Variants in PTPRA observed in about 807,000 individuals in gnomAD.
The protein encoded by PTPRA is receptor-type tyrosine-protein phosphatase alpha.
PTPRA carries 25 observed loss-of-function variants against 104.8 expected under a neutral mutation model. That is an observed-to-expected ratio of 0.24 (90% CI 0.17 to 0.33). The LOEUF (loss-of-function observed/expected upper bound fraction) is 0.33. Among genes scored for constraint, PTPRA ranks in the 10% least tolerant of loss-of-function variants. The probability of loss-of-function intolerance (pLI) is 1.00; values close to 1 mark genes in which losing one functional copy is unlikely to be tolerated. For missense variants in PTPRA, 765 were observed against 1,015.3 expected (o/e 0.75, Z 3.35); for synonymous variants, 323 against 368.9 (o/e 0.88, Z 1.43).
At chr20:3,027,637 G>A (rs1568707126) in intron 19 of PTPRA, 70 bp from the exon 20 acceptor site, 1 of 1,556,432 alleles carries the variant, frequency 6.4e-7, no homozygotes, top group Non-Finnish European at 8.7e-7. Context: ...CCCTTCTAGT[G>A]GTCTGTCTTC....
chr20:2,941,196 A>G (rs1221638870), intron 2 of PTPRA, among the ~76,000 whole-genome samples: 2 of 151,890 alleles, frequency 1.3e-5, no homozygotes, highest in Non-Finnish European at 2.9e-5. Context: ...ACGCCAGGCT[A>G]ATTTTTGTAT....
In PTPRA at chr20:3,027,332, C is replaced by T. The variant is rs569398756; in HGVS notation, c.1785+135C>T. On this transcript the variant is annotated intron_variant, in intron 19 of 23. Transcript: ENST00000399903. ...AACAAATAGTGAATTGATACTCACCCACCCACTCACCCTGTGCATTAGGTC... is the reference window on the plus strand; with the variant it reads ...AACAAATAGTGAATTGATACTCACCTACCCACTCACCCTGTGCATTAGGTC... 8.1e-5 allele frequency: 71 copies of T among 881,846 alleles called. No individual in the cohort carries two copies. In the African/African-American group the frequency reaches 1.1e-3, roughly 13 times the overall value. The allele number at this position is 881,846 out of a possible 1,614,324, so 54.6% of individuals were successfully genotyped here.
At position 3,031,921 on chromosome 20, in the gene PTPRA, A is replaced by C. The variant is rs149357773; in HGVS notation, c.1921-3664A>C. On this transcript the variant is annotated intron_variant, in intron 20 of 23. Transcript: ENST00000399903. Reference sequence around the variant, plus strand: ...AAACCCAGTTATATGCCTCTATCTGATATAGCAAACATCACTGGGCAAAAA... The same window carrying C: ...AAACCCAGTTATATGCCTCTATCTGCTATAGCAAACATCACTGGGCAAAAA... Among the ~76,000 whole-genome samples the C allele has an allele frequency of 2.4e-4, 37 of 152,250 alleles. 1 individual carries two copies. The East Asian group carries it at 5.4e-3, about 22-fold the overall frequency.
At position 3,037,985 on chromosome 20, in the gene PTPRA, T is replaced by G; in HGVS notation, c.2335-74T>G. On this transcript the variant is annotated intron_variant, in intron 23 of 23. Transcript: ENST00000399903. The surrounding 1 kb of genome is among the most constrained non-coding windows in gnomAD (Gnocchi z 4.3). ...TGATTTTCCATCTTCAACAAAAAAA[T>G]GAGTCTGTTAGGAATTACAGGTACT... The G allele has an allele frequency of 7.9e-7, 1 of 1,270,284 alleles. No homozygotes were observed. Among genetic ancestry groups the G allele is most frequent in the Non-Finnish European group, 1.1e-6 (1 of 886,186 alleles). The allele number at this position is 1,270,284 out of a possible 1,614,324, so 78.7% of individuals were successfully genotyped here. A position where few individuals can be genotyped will look rare whatever the true frequency, so the allele number is the denominator to read the frequency against.
the PTPRA span, chr20:2,866,077 G>A: frequency 1.3e-6 from 1 of 751,584 alleles, no homozygotes; most frequent in African/African-American, 1.7e-5. Context: ...TGGGGGTTGG[G>A]GGATTATATG....
intron 9 of PTPRA, 74 bp downstream of exon 9, chr20:2,988,548 G>C (rs1338908089): frequency 1.9e-5 from 30 of 1,548,342 alleles, no homozygotes; most frequent in Non-Finnish European, 8.7e-7. Flanking sequence ...CAGATCTTTG[G>C]AGTCATGAAG....
chr20:2,980,557 GA>G (rs373384876), intron 6 of PTPRA, among the ~76,000 whole-genome samples: 4 of 147,520 alleles, frequency 2.7e-5, no homozygotes, highest in East Asian at 2.0e-4. Flanking sequence ...CTCGAGAAAA[GA>G]AAAAAAAACG....
At chr20:2,941,069 C>T (rs2060899143) in intron 2 of PTPRA, among the ~76,000 whole-genome samples, 1 of 151,676 alleles carries the variant, frequency 6.6e-6, no homozygotes, top group Non-Finnish European at 1.5e-5. Context: ...CTCGCTCTGT[C>T]ACCCAGGCTG....
intron 1 of PTPRA, among the ~76,000 whole-genome samples, chr20:2,878,367 A>G (rs1195614019): frequency 6.6e-6 from 1 of 152,060 alleles, no homozygotes; most frequent in Non-Finnish European, 1.5e-5. Context: ...GGTCTGTGCC[A>G]CCACGACCAG....
chr20:2,937,543 G>A (rs1042242700), intron 2 of PTPRA, among the ~76,000 whole-genome samples: 1 of 152,078 alleles, frequency 6.6e-6, no homozygotes, highest in African/African-American at 2.4e-5. Context: ...AAACTCAAGA[G>A]AAGAATTGCT....
intron 2 of PTPRA, among the ~76,000 whole-genome samples, chr20:2,924,359 G>A (rs955416140): frequency 2.6e-5 from 4 of 152,124 alleles, no homozygotes; most frequent in South Asian, 2.1e-4. Flanking sequence ...GTGAGATCAC[G>A]CCCCTGCACT....
At chr20:2,957,144 G>T (rs1280707724) in intron 3 of PTPRA, among the ~76,000 whole-genome samples, 1 of 152,188 alleles carries the variant, frequency 6.6e-6, no homozygotes, top group African/African-American at 2.4e-5. Context: ...AATTATCCAG[G>T]CGTGGTGGCG....
chr20:2,949,880 T>C (rs2061296013), intron 3 of PTPRA, among the ~76,000 whole-genome samples: 1 of 152,180 alleles, frequency 6.6e-6, no homozygotes, highest in Non-Finnish European at 1.5e-5. Context: ...GGGTGAATTA[T>C]ATTTATAGAT....
chr20:3,024,142 C>G lies in PTPRA; in HGVS notation c.1465-330C>G, dbSNP rs114760323. 5.1e-3 allele frequency among the ~76,000 whole-genome samples: 779 copies of G among 152,280 alleles called. 5 individuals are homozygous for G. The highest frequency in any genetic ancestry group is 0.017 in the African/African-American group (720 of 41,562). On this transcript the variant is annotated intron_variant, in intron 16 of 23. Transcript: ENST00000399903. The stretch of plus-strand genomic sequence containing the variant: ...GAGGGAGGCAGGGACCAGACTATCA[C>G]GGGCTTTGGGTGTCTCCAGTTTCTG...
chr20:3,001,093 G>A (rs543274706), intron 9 of PTPRA, among the ~76,000 whole-genome samples: 8 of 152,246 alleles, frequency 5.3e-5, no homozygotes, highest in African/African-American at 1.9e-4. Flanking sequence ...AACGGTCTTC[G>A]ATGCCACCTA....
the PTPRA span, chr20:2,866,423 A>G: frequency 6.2e-7 from 1 of 1,614,078 alleles, no homozygotes; most frequent in Non-Finnish European, 8.5e-7. Context: ...TCTTGCTCAA[A>G]CCACAGCGAT....
intron 2 of PTPRA, among the ~76,000 whole-genome samples, chr20:2,937,961 G>T (rs754114306): frequency 2.0e-5 from 3 of 152,014 alleles, no homozygotes; most frequent in Non-Finnish European, 4.4e-5. Flanking sequence ...GTGATATGTT[G>T]TTTCTCTCTA....
At chr20:2,973,302 T>A (rs1244770396) in intron 5 of PTPRA, among the ~76,000 whole-genome samples, 3 of 152,206 alleles carry the variant, frequency 2.0e-5, no homozygotes, top group South Asian at 4.1e-4. Flanking sequence ...TTTTCTATCT[T>A]CTTGAATTGA....
rs34328077 is a variant in PTPRA, at chr20:2,897,906, CTT to C, written c.-129+24168_-129+24169del. 2.2e-3 allele frequency among the ~76,000 whole-genome samples: 185 copies of C among 83,710 alleles called. No homozygotes were observed. In the Middle Eastern group the frequency reaches 0.029, roughly 13 times the overall value. 54.9% of individuals were successfully genotyped at this position (83,710 alleles called of 152,430 possible). A position where few individuals can be genotyped will look rare whatever the true frequency, so the allele number is the denominator to read the frequency against. ...GTCCTTTTTCCATGTCCTCATCATT[CTT>C]TTTTTTTTTTTTTTTTTTTTTGAGA... is the stretch of plus-strand genomic sequence containing the variant. On this transcript the variant is annotated intron_variant, in intron 1 of 23. Coordinates refer to ENST00000399903, the MANE Select transcript of PTPRA (RefSeq NM_001385305.1).
Sources: gnomAD v4.1 joint callset for allele counts (sites outside exome capture counted in the v4.1 genomes callset) on GRCh38, gnomAD v4.1.1 for gene constraint, Gnocchi (gnomAD v3.1) non-coding constraint, MANE v1.5 for transcripts, NCBI Gene and HGNC (gene_info 2026-07-23, HGNC 2026-07-21) for gene names.